The following FBXW10 variants were observed in gnomAD, a reference collection of about 807,000 sequenced individuals.
FBXW10 encodes the protein F-box and WD repeat domain containing 10, also known as F-box/WD repeat-containing protein 10.
A neutral mutation model predicts 113.1 loss-of-function variants in FBXW10; 68 were observed. The observed-to-expected ratio is 0.60, with a 90% CI of 0.49 to 0.74. FBXW10 has a LOEUF of 0.74. Among genes scored for constraint, FBXW10 ranks in the 30% least tolerant of loss-of-function variants. FBXW10 has a pLI of 0.00. For missense variants in FBXW10, 753 were observed against 1,284.5 expected, an observed-to-expected ratio of 0.59 and a Z score of 6.32; for synonymous variants, 289 against 481.6, an observed-to-expected ratio of 0.60 and a Z score of 5.24.
Position 18,766,590 on chromosome 17 carries a change from G to C in FBXW10, c.1556-124G>C, listed in dbSNP as rs559680478. On this transcript the variant is annotated intron_variant, in intron 8 of 13. Transcript: ENST00000395665. The stretch of plus-strand genomic sequence containing the variant: ...TGCTAGGCCACGGGAAGTCCTTCTA[G>C]AATCTGACTTGATGGGCTTGATGAG... 2.3e-6 allele frequency: 3 copies of C among 1,299,364 alleles called. No individual in the cohort carries two copies. In the South Asian group the frequency reaches 4.5e-5, roughly 19 times the overall value. 80.5% of individuals were successfully genotyped at this position (1,299,364 alleles called of 1,614,324 possible). A position where few individuals can be genotyped will look rare whatever the true frequency, so the allele number is the denominator to read the frequency against.
At chr17:18,745,359 G>C in intron 1 of FBXW10, 1 of 539,328 alleles carries the variant, frequency 1.9e-6, no homozygotes, top group Non-Finnish European at 2.4e-6. Flanking sequence ...GTTAAAACAA[G>C]CTCCTCCCCC....
chr17:18,746,270 A>G (rs1273011980), intron 1 of FBXW10, among the ~76,000 whole-genome samples: 1 of 152,090 alleles, frequency 6.6e-6, no homozygotes, highest in East Asian at 1.9e-4. Flanking sequence ...TTTGGAGGGG[A>G]CAAATATCCA....
At chr17:18,751,109 A>G (rs2035161054) in intron 5 of FBXW10, 56 bp downstream of exon 5, 8 of 1,609,318 alleles carry the variant, frequency 5.0e-6, no homozygotes, top group Admixed American at 1.7e-5. Context: ...TCTAATTGTC[A>G]TTGAAGGCTG....
rs2035259277 is a variant in FBXW10, at chr17:18,756,148, C to G, written c.1226C>G (p.Ser409Cys). The G allele has an allele frequency of 1.9e-6, 3 of 1,613,656 alleles. No individual in the cohort carries two copies. Among genetic ancestry groups the G allele is most frequent in the South Asian group, 1.1e-5 (1 of 90,964 alleles). ...GGGACCTACAATGTTCGCATTCTCT[C>G]TGACACGTAGGTACTGGGGTCAGAA... The part of the protein sequence containing the change: ...FCGTYNVRIL[S>C]DTWDQNRVIH... Residue 409 changes from serine to cysteine, a missense_variant, in exon 6 of 14, where the codon TCT becomes TGT. Ser to Cys is a moderately radical substitution (Grantham distance 112). Transcript: ENST00000395665.
intron 12 of FBXW10, among the ~76,000 whole-genome samples, chr17:18,772,895 G>C (rs2035642541): frequency 6.6e-6 from 1 of 151,328 alleles, no homozygotes; most frequent in East Asian, 1.9e-4. Flanking sequence ...GGAACATTCT[G>C]GTTTGCAAAA....
intron 7 of FBXW10, among the ~76,000 whole-genome samples, chr17:18,760,575 A>C (rs2035359247): frequency 6.6e-6 from 1 of 152,234 alleles, no homozygotes; most frequent in Admixed American, 6.5e-5. Context: ...AGGCTGAGGC[A>C]GGCGGATCAT....
intron 9 of FBXW10, 25 bp from the exon 10 acceptor site, chr17:18,768,509 A>T: frequency 6.2e-7 from 1 of 1,613,252 alleles, no homozygotes. Flanking sequence ...GTCTGAGTTG[A>T]AGACAGTGGT....
At chr17:18,768,979 A>G (rs1249349528) in intron 10 of FBXW10, among the ~76,000 whole-genome samples, 1 of 124,402 alleles carries the variant, frequency 8.0e-6, no homozygotes, top group African/African-American at 3.0e-5. Flanking sequence ...CTCTGTTGCC[A>G]GGCTGGAGTG....
rs2035509519 is a variant in FBXW10 at position 18,766,939 on chromosome 17, A to T, written c.1704+77A>T. ...GTGGGCTCCCCCTACCTAGCTCCTC[A>T]GGTCATCCTAGAGCAACTGAGTATG... On this transcript the variant is annotated intron_variant, in intron 9 of 13. Coordinates refer to ENST00000395665, the MANE Select transcript of FBXW10 (RefSeq NM_001267585.2). 4.1e-6 allele frequency: 6 copies of T among 1,456,632 alleles called. No individual in the cohort carries two copies. The South Asian group carries it at 7.5e-5, about 18-fold the overall frequency. 90.2% of individuals were successfully genotyped at this position (1,456,632 alleles called of 1,614,324 possible).
chr17:18,762,849 T>C (rs2035412610), intron 7 of FBXW10, among the ~76,000 whole-genome samples: 1 of 149,070 alleles, frequency 6.7e-6, no homozygotes, highest in Non-Finnish European at 1.5e-5. Flanking sequence ...AGTTCCTTCT[T>C]TTCCTATTTT....
chr17:18,745,053 C>G lies in FBXW10; in HGVS notation c.505+304C>G, dbSNP rs998405013. 4.6e-6 allele frequency: 6 copies of G among 1,291,000 alleles called. No homozygotes were observed. In the African/African-American group the frequency reaches 9.0e-5, roughly 19 times the overall value. The allele number at this position is 1,291,000 out of a possible 1,614,324, so 80.0% of individuals were successfully genotyped here. On this transcript the variant is annotated intron_variant, in intron 1 of 13. Transcript: ENST00000395665. Reference sequence around the variant, plus strand: ...GGCCCAGAAATGGCTGGTCCCTGCCCCTGACCCCTTAATGCTGGTGTCGTT... The same window carrying G: ...GGCCCAGAAATGGCTGGTCCCTGCCGCTGACCCCTTAATGCTGGTGTCGTT...
intron 7 of FBXW10, among the ~76,000 whole-genome samples, chr17:18,759,038 C>T (rs1460642666): frequency 6.6e-5 from 10 of 151,972 alleles, no homozygotes; most frequent in East Asian, 3.9e-4. Context: ...GGCGTGGTGG[C>T]GGGTGCCTGT....
chr17:18,776,976 A>AT (rs1363508148), intron 13 of FBXW10, among the ~76,000 whole-genome samples: 4 of 151,924 alleles, frequency 2.6e-5, no homozygotes, highest in Non-Finnish European at 4.4e-5. Flanking sequence ...AGCTCATCAC[A>AT]ATTCCTTTTT....
intron 5 of FBXW10, among the ~76,000 whole-genome samples, chr17:18,753,185 G>T (rs546581623): frequency 3.3e-5 from 5 of 152,306 alleles, no homozygotes; most frequent in South Asian, 2.1e-4. Context: ...AGAGGGAAGT[G>T]GGGGGACAGT....
rs147138981 is a variant in FBXW10, at chr17:18,772,652, A to G, written c.2247A>G (p.Arg749=). 492 of 1,613,108 alleles carry G rather than the reference A, an allele frequency of 3.1e-4. 1 individual carries two copies. The East Asian group carries it at 9.5e-3, about 31-fold the overall frequency. The part of the protein sequence containing the change: ...ELLPGKPPKS[R]VLLKPAKFSS... ...TACCAGGCAAACCTCCCAAGTCCCGAGTACTCCTGAAGCCGGCCAAGTTCT... is the reference window on the plus strand; with the variant it reads ...TACCAGGCAAACCTCCCAAGTCCCGGGTACTCCTGAAGCCGGCCAAGTTCT... The change falls in exon 12 of 14, where the codon CGA becomes CGG. Residue 749 remains arginine, a synonymous_variant. Coordinates refer to ENST00000395665, the MANE Select transcript of FBXW10 (RefSeq NM_001267585.2).
intron 1 of FBXW10, chr17:18,745,121 G>A (rs566653935): frequency 1.2e-3 from 1,350 of 1,098,784 alleles, no homozygotes; most frequent in Middle Eastern, 3.8e-3. Context: ...GTTGTAAAGG[G>A]GAAGCTTTTG....
At chr17:18,749,969 G>A (rs1340192453) in intron 3 of FBXW10, 41 bp from the exon 4 acceptor site, 7 of 1,613,690 alleles carry the variant, frequency 4.3e-6, no homozygotes, top group Non-Finnish European at 5.9e-6. Flanking sequence ...TCCCCTCTTG[G>A]CCCAGTTCTG....
chr17:18,755,826 A>T (rs1466509861), intron 5 of FBXW10, among the ~76,000 whole-genome samples: 4 of 152,152 alleles, frequency 2.6e-5, no homozygotes, highest in South Asian at 4.2e-4. Flanking sequence ...AATCAAAGAG[A>T]TGAAAGAAGA....
At position 18,768,625 on chromosome 17, in the gene FBXW10, G is replaced by A. The variant is rs781255360; in HGVS notation, c.1796G>A (p.Trp599Ter). ...AGTACTGATGGCCTGGTCATGGCCT[G>A]GAGCATGGTGGGGAAGTACGAGCGC... ...SGSTDGLVMA[W>*]SMVGKYERCL... Residue 599 changes from tryptophan to a stop codon, truncating the protein, a stop_gained, in exon 10 of 14, where the codon TGG becomes TAG. Transcript: ENST00000395665. LOFTEE classifies it high-confidence loss of function. 2.7e-5 allele frequency: 44 copies of A among 1,613,864 alleles called. No homozygotes were observed. Among genetic ancestry groups the A allele is most frequent in the Admixed American group, 5.0e-5 (3 of 59,976 alleles).
Sources: allele counts gnomAD v4.1 joint callset (sites outside exome capture counted in the v4.1 genomes callset), GRCh38; gene constraint gnomAD v4.1.1; transcripts MANE v1.5; gene names NCBI Gene and HGNC (gene_info 2026-07-23, HGNC 2026-07-21).